Variants in ITPR1 observed in about 807,000 individuals in gnomAD.
ITPR1 encodes the protein inositol 1,4,5-trisphosphate receptor type 1.
A neutral mutation model predicts 318.4 loss-of-function variants in ITPR1; 96 were observed. The observed-to-expected ratio is 0.30, with a 90% confidence interval of 0.26 to 0.36. The LOEUF (loss-of-function observed/expected upper bound fraction) is 0.36, where lower values mean the gene tolerates loss of function less well. Ranked by LOEUF, ITPR1 falls within the 10% of genes least tolerant of loss-of-function variation. The pLI, the probability that ITPR1 is intolerant of heterozygous loss-of-function variation, is 1.00. For missense variants in ITPR1, 2,440 were observed against 3,460.2 expected (o/e 0.71, Z 7.40); for synonymous variants, 1,312 against 1,289.9 (o/e 1.02, Z -0.37).
intron 32 of ITPR1, among the ~76,000 whole-genome samples, chr3:4,693,193 C>A (rs1322370750): frequency 6.6e-6 from 1 of 152,166 alleles, no homozygotes; most frequent in Non-Finnish European, 1.5e-5. Context: ...TATGGAAATA[C>A]CAGTGCAAGC....
At position 4,817,036 on chromosome 3, in the gene ITPR1, G is replaced by A. The variant is rs577692123; in HGVS notation, c.7868-1046G>A. ...TATTCAATGGGCTATTTATTTTGAT[G>A]TTCAAATTGCTTCAGATGTGGCCAG... On this transcript the variant is annotated intron_variant, in intron 59 of 61. Transcript: ENST00000649015. Among the ~76,000 whole-genome samples the A allele has an allele frequency of 5.1e-4, 77 of 152,290 alleles. 1 individual carries two copies. Among genetic ancestry groups the A allele is most frequent in the Non-Finnish European group, 4.3e-4 (29 of 68,024 alleles).
chr3:4,516,287 C>CG (rs1476975668), intron 2 of ITPR1, among the ~76,000 whole-genome samples, 189 bp from the exon 3 acceptor site: 1 of 152,122 alleles, frequency 6.6e-6, no homozygotes. Flanking sequence ...AGATAATATA[C>CG]GGGGAAAAAG....
At position 4,537,742 on chromosome 3, in the gene ITPR1, T is replaced by G. The variant is rs148804290; in HGVS notation, c.163+16648T>G. ...CAAGAAAATTGATTCTCTCTTGAAG[T>G]CTCCAGAGGAATGCAGCCCTGCTGA... is the stretch of plus-strand genomic sequence containing the variant. On this transcript the variant is annotated intron_variant, in intron 4 of 61. Coordinates refer to ENST00000649015, the MANE Select transcript of ITPR1 (RefSeq NM_001378452.1). 2.3e-3 allele frequency among the ~76,000 whole-genome samples: 351 copies of G among 152,292 alleles called. 3 individuals are homozygous for G. The highest frequency in any genetic ancestry group is 7.8e-3 in the African/African-American group (325 of 41,564).
chr3:4,800,516 C>T lies in ITPR1; in HGVS notation c.7023C>T (p.Ile2341=), dbSNP rs572119299. 14 of 1,614,036 alleles carry T rather than the reference C, an allele frequency of 8.7e-6. No individual in the cohort carries two copies. The highest frequency in any genetic ancestry group is 7.7e-5 in the South Asian group (7 of 91,076). ...IVIALPKPHG[I]RALIASTILR... ...TTGCCCTCCCCAAGCCCCATGGCAT[C>T]CGGGCCTTAATTGCCTCCACAATTC... The change falls in exon 54 of 62, where the codon ATC becomes ATT. Residue 2341 remains isoleucine, a synonymous_variant. Transcript: ENST00000649015.
At chr3:4,686,839 G>C (rs903141206) in intron 30 of ITPR1, among the ~76,000 whole-genome samples, 3 of 152,180 alleles carry the variant, frequency 2.0e-5, no homozygotes, top group African/African-American at 7.2e-5. Flanking sequence ...GAGGTGTGTG[G>C]AACTGTTTAA....
intron 4 of ITPR1, among the ~76,000 whole-genome samples, chr3:4,599,056 A>T (rs948726455): frequency 1.3e-5 from 2 of 152,064 alleles, no homozygotes; most frequent in Non-Finnish European, 2.9e-5. Flanking sequence ...ATTTTGGGAA[A>T]AACCTATTGA....
intron 6 of ITPR1, among the ~76,000 whole-genome samples, chr3:4,640,832 C>T (rs777727090): frequency 6.6e-6 from 1 of 152,178 alleles, no homozygotes; most frequent in African/African-American, 2.4e-5. Flanking sequence ...GATCTTGGGG[C>T]CTACCTGTAG....
intron 33 of ITPR1, among the ~76,000 whole-genome samples, chr3:4,696,221 A>G (rs2094555745): frequency 1.3e-5 from 2 of 152,074 alleles, no homozygotes; most frequent in Non-Finnish European, 2.9e-5. Context: ...GTTACTGAAT[A>G]TTTTCATCAC....
At chr3:4,790,094 C>T (rs1300577364) in intron 52 of ITPR1, among the ~76,000 whole-genome samples, 1 of 152,126 alleles carries the variant, frequency 6.6e-6, no homozygotes, top group Non-Finnish European at 1.5e-5. Flanking sequence ...CTCCAAAAGG[C>T]TTATTTTGGA....
intron 4 of ITPR1, among the ~76,000 whole-genome samples, chr3:4,539,625 G>A (rs2084226602): frequency 6.6e-6 from 1 of 152,168 alleles, no homozygotes. Context: ...GTTGGAACTT[G>A]GTCTTCAATG....
intron 4 of ITPR1, among the ~76,000 whole-genome samples, chr3:4,556,457 C>T (rs1041735551): frequency 7.2e-5 from 11 of 151,914 alleles, no homozygotes; most frequent in African/African-American, 2.7e-4. Flanking sequence ...CTCTGTGCTC[C>T]TCCTATTTAT....
rs199767679 is a variant in ITPR1 at position 4,744,898 on chromosome 3, CTCCTTCCTTCCTTCCTTCCT to C, written c.5544+9576_5544+9595del. On this transcript the variant is annotated intron_variant, in intron 44 of 61. Transcript: ENST00000649015. ...CCTTCCTCCCTCTCTGTCTCCCTCC[CTCCTTCCTTCCTTCCTTCCT>C]TCCTTCCTTCCTTCCTTCCTTCCTT... Among the ~76,000 whole-genome samples the C allele has an allele frequency of 4.3e-3, 533 of 124,910 alleles. 8 individuals carry two copies. The highest frequency in any genetic ancestry group is 0.014 in the African/African-American group (440 of 31,274). The allele number at this position is 124,910 out of a possible 152,430, so 81.9% of individuals were successfully genotyped here.
At chr3:4,605,338 C>T (rs1202769240) in intron 4 of ITPR1, among the ~76,000 whole-genome samples, 1 of 152,062 alleles carries the variant, frequency 6.6e-6, no homozygotes, top group Non-Finnish European at 1.5e-5. Context: ...AACATGGCAA[C>T]TGACTGCAGT....
At chr3:4,837,149 C>G (rs992149353) in intron 61 of ITPR1, among the ~76,000 whole-genome samples, 1 of 152,076 alleles carries the variant, frequency 6.6e-6, no homozygotes, top group African/African-American at 2.4e-5. Context: ...GTGCTACTTT[C>G]AGTGCTGCTC....
At chr3:4,740,354 T>G (rs2043610992) in intron 44 of ITPR1, among the ~76,000 whole-genome samples, 1 of 152,246 alleles carries the variant, frequency 6.6e-6, no homozygotes, top group Non-Finnish European at 1.5e-5. Flanking sequence ...CTTGTCTTTC[T>G]CCTTTTGGAT....
chr3:4,693,970 G>C (rs1180581175), intron 33 of ITPR1, among the ~76,000 whole-genome samples: 2 of 152,240 alleles, frequency 1.3e-5, no homozygotes, highest in African/African-American at 2.4e-5. Flanking sequence ...TTTAAGAACA[G>C]TGAGGAAAAA....
intron 28 of ITPR1, 57 bp downstream of exon 28, chr3:4,683,855 G>C (rs980450440): frequency 6.8e-7 from 1 of 1,475,452 alleles, no homozygotes; most frequent in African/African-American, 1.4e-5. Context: ...TCGAAACTAG[G>C]GAGCATCCTC....
At chr3:4,815,923 G>C (rs997382745) in intron 59 of ITPR1, among the ~76,000 whole-genome samples, 1 of 151,744 alleles carries the variant, frequency 6.6e-6, no homozygotes, top group Non-Finnish European at 1.5e-5. Flanking sequence ...ACTATCCAAA[G>C]AATTTCTATA....
chr3:4,600,827 A>G (rs1451403704), intron 4 of ITPR1, among the ~76,000 whole-genome samples: 1 of 152,188 alleles, frequency 6.6e-6, no homozygotes, highest in Non-Finnish European at 1.5e-5. Flanking sequence ...GTCAGTAGCC[A>G]TCAGACAATG....
Sources: gnomAD v4.1 joint callset for allele counts (sites outside exome capture counted in the v4.1 genomes callset) on GRCh38, gnomAD v4.1.1 for gene constraint, MANE v1.5 for transcripts, NCBI Gene and HGNC (gene_info 2026-07-23, HGNC 2026-07-21) for gene names.